CYP2F1: variants seen among roughly 807,000 people sequenced by gnomAD.
CYP2F1 encodes the protein cytochrome P450 2F1.
In CYP2F1, 33 loss-of-function variants were observed where a neutral mutation model predicts 40.4. The observed-to-expected ratio is 0.82, with a 90% confidence interval of 0.62 to 1.09. CYP2F1 has a LOEUF of 1.09. Ranked by LOEUF, CYP2F1 falls within the 50% of genes least tolerant of loss-of-function variation. The probability of loss-of-function intolerance (pLI) is 0.00; values close to 1 mark genes in which losing one functional copy is unlikely to be tolerated. For synonymous variants in CYP2F1, 235 were observed against 277.2 expected, an observed-to-expected ratio of 0.85 and a Z score of 1.51; for missense variants, 566 against 655.7, an observed-to-expected ratio of 0.86 and a Z score of 1.49.
chr19:41,116,688 T>C (rs1381994710), intron 3 of CYP2F1, 71 bp downstream of exon 3: 2 of 1,522,252 alleles, frequency 1.3e-6, no homozygotes, highest in Non-Finnish European at 1.8e-6. Context: ...GGTGAGAGAC[T>C]GTTGTCTCAA....
At chr19:41,126,365 C>T (rs958479861) in intron 9 of CYP2F1, among the ~76,000 whole-genome samples, 1 of 152,030 alleles carries the variant, frequency 6.6e-6, no homozygotes, top group Non-Finnish European at 1.5e-5. Flanking sequence ...GCGGAGGTTG[C>T]AGTGAGCCAA....
At chr19:41,120,246 A>G (rs756235512) in intron 3 of CYP2F1, 101 bp from the exon 4 acceptor site, 86 of 1,246,234 alleles carry the variant, frequency 6.9e-5, no homozygotes, top group Non-Finnish European at 8.8e-5. Flanking sequence ...GGAGATTCCA[A>G]ACTCTGTCTC....
In CYP2F1 at chr19:41,127,963, A is replaced by C; in HGVS notation, c.1357A>C (p.Ile453Leu). ...GGAGCTCTTTCTGTACCTCACCGCC[A>C]TCCTGCAGAGCTTTTCGCTGCAGCC... ...RMELFLYLTA[I>L]LQSFSLQPLG... The change falls in exon 10 of 10, where the codon ATC (isoleucine) becomes CTC (leucine). Residue 453 changes from isoleucine to leucine, a missense_variant. By Grantham distance (5) the Ile-to-Leu change is conservative (BLOSUM62 2). This residue lies in a region of CYP2F1 where 85 missense variants were observed against 84.9 expected (regional missense o/e 1.00). Transcript: ENST00000331105. 2.5e-6 allele frequency: 4 copies of C among 1,613,412 alleles called. No individual in the cohort carries two copies. Among genetic ancestry groups the C allele is most frequent in the Non-Finnish European group, 3.4e-6 (4 of 1,179,972 alleles).
chr19:41,126,094 T>C lies in CYP2F1; in HGVS notation c.1294+460T>C, dbSNP rs369123001. ...GTTGCAGTGAGCCGAGATTGCACCA[T>C]TGTACAGAGAGAGACTCTGTCTCAA... On this transcript the variant is annotated intron_variant, in intron 9 of 9. Coordinates refer to ENST00000331105, the MANE Select transcript of CYP2F1 (RefSeq NM_000774.5). Among the ~76,000 whole-genome samples the C allele has an allele frequency of 3.3e-5, 5 of 151,146 alleles. No homozygotes were observed. In the East Asian group the frequency reaches 9.7e-4, roughly 29 times the overall value.
In CYP2F1 at chr19:41,124,995, C is replaced by T. The variant is rs981409239; in HGVS notation, c.1152+89C>T. ...GGCAAGGAGTATCCCAGGCACTAGC[C>T]ATGAACACCCCAGGCCTTAGCAACT... On this transcript the variant is annotated intron_variant, in intron 8 of 9. Transcript: ENST00000331105. 6.0e-6 allele frequency: 7 copies of T among 1,172,784 alleles called. No individual in the cohort carries two copies. The African/African-American group carries it at 7.7e-5, about 13-fold the overall frequency. 72.6% of individuals were successfully genotyped at this position (1,172,784 alleles called of 1,614,324 possible).
At chr19:41,121,343 G>C (rs996901759) in intron 4 of CYP2F1, 115 bp from the exon 5 acceptor site, 2 of 1,083,436 alleles carry the variant, frequency 1.8e-6, no homozygotes, top group Non-Finnish European at 2.7e-6. Flanking sequence ...TGTTTGCACC[G>C]TAAGACACGT....
rs1373000672 is a variant in CYP2F1, at chr19:41,119,746, T to TACAC, written c.335-600_335-599insCACA. Among the ~76,000 whole-genome samples the TACAC allele has an allele frequency of 9.2e-3, 501 of 54,172 alleles. 4 individuals are homozygous for TACAC. The highest frequency in any genetic ancestry group is 0.015 in the East Asian group (19 of 1,244). 35.5% of individuals were successfully genotyped at this position (54,172 alleles called of 152,430 possible). A position where few individuals can be genotyped will look rare whatever the true frequency, so the allele number is the denominator to read the frequency against. On this transcript the variant is annotated intron_variant, in intron 3 of 9. Coordinates refer to ENST00000331105, the MANE Select transcript of CYP2F1 (RefSeq NM_000774.5). ...CTCTATATATATATATATATATATA[T>TACAC]ATACACACACACACACACACACACA...
At chr19:41,116,000 G>A (rs963763482) in intron 1 of CYP2F1, among the ~76,000 whole-genome samples, 178 bp from the exon 2 acceptor site, 1 of 151,860 alleles carries the variant, frequency 6.6e-6, no homozygotes, top group South Asian at 2.1e-4. Context: ...CTGTCTATAT[G>A]TTGACTATCT....
chr19:41,124,965 G>A, intron 8 of CYP2F1, 59 bp downstream of exon 8: 2 of 1,452,972 alleles, frequency 1.4e-6, no homozygotes, highest in Non-Finnish European at 1.9e-6. Context: ...GCAGGCTCTT[G>A]CACTGGCAAG....
intron 9 of CYP2F1, among the ~76,000 whole-genome samples, chr19:41,127,228 C>A (rs753365960): frequency 6.6e-6 from 1 of 152,170 alleles, no homozygotes; most frequent in Non-Finnish European, 1.5e-5. Context: ...GAATTAATTG[C>A]GATGTAATGC....
At chr19:41,122,503 TACATACATACATACACACACACATACAC>T (rs1285071935) in intron 6 of CYP2F1, among the ~76,000 whole-genome samples, 19 of 151,274 alleles carry the variant, frequency 1.3e-4, no homozygotes, top group African/African-American at 3.7e-4. Context: ...CACACACACA[TACATACATACATACACACACACATACAC>T]ACATACATAC....
At chr19:41,118,500 T>C (rs897892363) in intron 3 of CYP2F1, among the ~76,000 whole-genome samples, 5 of 143,146 alleles carry the variant, frequency 3.5e-5, no homozygotes, top group Non-Finnish European at 7.8e-5. Flanking sequence ...CAATATTGTG[T>C]ATTAGGTACA....
intron 3 of CYP2F1, among the ~76,000 whole-genome samples, chr19:41,119,236 C>T (rs2031995018): frequency 6.6e-6 from 1 of 152,120 alleles, no homozygotes; most frequent in South Asian, 2.1e-4. Flanking sequence ...AGAGAAGAGA[C>T]GGGGTCTGTT....
chr19:41,127,081 A>C (rs2032574100), intron 9 of CYP2F1, among the ~76,000 whole-genome samples: 1 of 152,174 alleles, frequency 6.6e-6, no homozygotes, highest in Non-Finnish European at 1.5e-5. Flanking sequence ...TGTGTGGCCC[A>C]GATTCCAGCA....
At chr19:41,124,978 G>A in intron 8 of CYP2F1, 72 bp downstream of exon 8, 1 of 1,366,536 alleles carries the variant, frequency 7.3e-7, no homozygotes, top group Non-Finnish European at 9.9e-7. Context: ...CTGGCAAGGA[G>A]TATCCCAGGC....
At position 41,127,926 on chromosome 19, in the gene CYP2F1, G is replaced by A. The variant is rs145495530; in HGVS notation, c.1320G>A (p.Ser440=). ...SAGRRLCLGE[S]LARMELFLYL... ...GGCGCCGTCTGTGCCTGGGAGAGTC[G>A]CTGGCGCGCATGGAGCTCTTTCTGT... The change falls in exon 10 of 10, where the codon TCG becomes TCA. Residue 440 remains serine (S), a synonymous_variant. Transcript: ENST00000331105. 567 of 1,612,674 alleles carry A rather than the reference G, an allele frequency of 3.5e-4. 1 individual carries two copies. The African/African-American group carries it at 7.0e-3, about 20-fold the overall frequency.
At position 41,121,951 on chromosome 19, in the gene CYP2F1, C is replaced by G. The variant is rs754589746; in HGVS notation, c.646-6C>G. 9.3e-6 allele frequency: 15 copies of G among 1,612,756 alleles called. No individual in the cohort carries two copies. Among genetic ancestry groups the G allele is most frequent in the Admixed American group, 6.7e-5 (4 of 59,832 alleles). ...CCAAAACCCTCCTACTCTGTCTGGT[C>G]CCCAGTTGTACGACATCTTCCCGAG... On this transcript the variant is annotated splice_region_variant and splice_polypyrimidine_tract_variant and intron_variant, in intron 5 of 9. Transcript: ENST00000331105.
rs759037648 is a variant in CYP2F1 at position 41,122,000 on chromosome 19, C to T, written c.689C>T (p.Pro230Leu). 6.2e-7 allele frequency: 1 copy of T among 1,613,254 alleles called. No individual in the cohort carries two copies. Among genetic ancestry groups the T allele is most frequent in the Non-Finnish European group, 8.5e-7 (1 of 1,179,740 alleles). ...FPSLLDWVPG[P>L]HQRIFQNFKC... ...AGCCTCCTGGACTGGGTGCCTGGGCCGCACCAACGCATCTTCCAGAACTTC... is the reference window on the plus strand; with the variant it reads ...AGCCTCCTGGACTGGGTGCCTGGGCTGCACCAACGCATCTTCCAGAACTTC... Residue 230 changes from proline to leucine, a missense_variant, in exon 6 of 10, where the codon CCG becomes CTG. Physicochemically the swap from Pro to Leu is moderately conservative, Grantham distance 98 (BLOSUM62 -3). This residue lies in a region of CYP2F1 where 62 missense variants were observed against 105.6 expected (regional missense o/e 0.59). Transcript: ENST00000331105.
At chr19:41,119,717 CTCTCTCTATA>C (rs1163132391) in intron 3 of CYP2F1, among the ~76,000 whole-genome samples, 67 of 39,100 alleles carry the variant, frequency 1.7e-3, no homozygotes, top group South Asian at 5.1e-3. Flanking sequence ...CTCTCTCTCT[CTCTCTCTATA>C]TATATATATA....
Sources: allele counts gnomAD v4.1 joint callset (sites outside exome capture counted in the v4.1 genomes callset), GRCh38; gene constraint gnomAD v4.1.1; regional missense constraint gnomAD v4.1.1; transcripts MANE v1.5; gene names NCBI Gene and HGNC (gene_info 2026-07-23, HGNC 2026-07-21).